FHAD1: variants seen among roughly 807,000 people sequenced by gnomAD.
The protein encoded by FHAD1 is forkhead-associated domain-containing protein 1.
In FHAD1, 146 loss-of-function variants were observed where a neutral mutation model predicts 191.3. The observed-to-expected ratio is 0.76, with a 90% CI of 0.67 to 0.88. The LOEUF (loss-of-function observed/expected upper bound fraction) is 0.88, where lower values mean the gene tolerates loss of function less well. Ranked by LOEUF, FHAD1 falls within the 40% of genes least tolerant of loss-of-function variation. The pLI is 0.00. For missense variants in FHAD1, 1,635 were observed against 1,785.8 expected (o/e 0.92, Z 1.52); for synonymous variants, 616 against 672.3 (o/e 0.92, Z 1.29).
At chr1:15,375,784 G>C (rs974995107) in intron 28 of FHAD1, 54 bp downstream of exon 28, 1 of 1,483,324 alleles carries the variant, frequency 6.7e-7, no homozygotes, top group Non-Finnish European at 9.0e-7. Context: ...GGAGGGGCCT[G>C]AGGGCAGACA....
At position 15,312,313 on chromosome 1, in the gene FHAD1, T is replaced by TGTA. The variant is rs1672517677; in HGVS notation, c.1040-744_1040-743insGTA. On this transcript the variant is annotated intron_variant, in intron 7 of 33. Coordinates refer to ENST00000688493, the MANE Select transcript of FHAD1 (RefSeq NM_001391957.1). This position sits in a 1 kb window ranked among gnomAD's most constrained non-coding sequence, Gnocchi z 4.7. ...AAACACTATGTGTTAGCCACTCTACTATGTTCTTTATACAACTCTGTAGAT... is the reference window on the plus strand; with the variant it reads ...AAACACTATGTGTTAGCCACTCTACTGTAATGTTCTTTATACAACTCTGTAGAT... The TGTA allele has an allele frequency of 6.6e-6, 1 of 152,248 alleles. No individual in the cohort carries two copies. 9.4% of individuals were successfully genotyped at this position (152,248 alleles called of 1,614,324 possible).
chr1:15,292,549 G>A (rs1052134855), intron 4 of FHAD1, among the ~76,000 whole-genome samples: 1 of 152,176 alleles, frequency 6.6e-6, no homozygotes, highest in African/African-American at 2.4e-5. Context: ...TAGCCAGGCT[G>A]GTCTCAACCT....
At chr1:15,251,241 T>A (rs964358618) in intron 1 of FHAD1, among the ~76,000 whole-genome samples, 1 of 149,732 alleles carries the variant, frequency 6.7e-6, no homozygotes, top group African/African-American at 2.5e-5. Flanking sequence ...CTCACTGCCC[T>A]GCAGCCTGGA....
Position 15,376,491 on chromosome 1 carries a change from C to T in FHAD1, c.3705+761C>T, listed in dbSNP as rs75995134. Among the ~76,000 whole-genome samples the T allele has an allele frequency of 7.3e-3, 1,118 of 152,290 alleles. 3 individuals carry two copies. The highest frequency in any genetic ancestry group is 0.011 in the Non-Finnish European group (771 of 68,030). On this transcript the variant is annotated intron_variant, in intron 28 of 33. Transcript: ENST00000688493. ...GCTTTTCGCTGTTACCTGAAAAACA[C>T]AACCACATAAAAGGCAGGAGAAGGG... is the stretch of plus-strand genomic sequence containing the variant.
intron 6 of FHAD1, among the ~76,000 whole-genome samples, chr1:15,305,289 ATG>A (rs1670103160): frequency 2.0e-5 from 3 of 152,220 alleles, no homozygotes; most frequent in African/African-American, 4.8e-5. Context: ...GAATAAAAAA[ATG>A]GGACAGAATT....
intron 23 of FHAD1, chr1:15,363,731 T>C (rs1411325883): frequency 2.2e-6 from 1 of 456,358 alleles, no homozygotes; most frequent in Non-Finnish European, 4.4e-6. Flanking sequence ...CTCCTGACCC[T>C]GAAAGCCAGT....
intron 2 of FHAD1, among the ~76,000 whole-genome samples, chr1:15,252,982 CCTCA>C (rs1646968775): frequency 6.6e-6 from 1 of 152,186 alleles, no homozygotes; most frequent in Non-Finnish European, 1.5e-5. Flanking sequence ...CTCTTTCAGA[CCTCA>C]CTCAATAGAC....
chr1:15,311,505 A>G lies in FHAD1; in HGVS notation c.1040-1552A>G, dbSNP rs1055695709. 1.3e-5 allele frequency among the ~76,000 whole-genome samples: 2 copies of G among 152,212 alleles called. No homozygotes were observed. Among genetic ancestry groups the G allele is most frequent in the Admixed American group, 6.5e-5 (1 of 15,276 alleles). On this transcript the variant is annotated intron_variant, in intron 7 of 33. Coordinates refer to ENST00000688493, the MANE Select transcript of FHAD1 (RefSeq NM_001391957.1). This position sits in a 1 kb window ranked among gnomAD's most constrained non-coding sequence, Gnocchi z 4.1. ...AAAGGTCACTCTGGTCCCGCCTCAC[A>G]AAGCATGCAGGCAAGCCCCAGAGAG...
intron 26 of FHAD1, among the ~76,000 whole-genome samples, chr1:15,373,469 G>T (rs990453801): frequency 1.3e-5 from 2 of 151,484 alleles, no homozygotes; most frequent in Admixed American, 1.3e-4. Flanking sequence ...CCAAGATCAC[G>T]CCACTGCACT....
chr1:15,401,865 G>C (rs1249348557), downstream of FHAD1, among the ~76,000 whole-genome samples: 2 of 152,152 alleles, frequency 1.3e-5, no homozygotes, highest in Non-Finnish European at 2.9e-5. Context: ...GCTTGCATCC[G>C]TCTGCTCAGT....
Position 15,329,691 on chromosome 1 carries a change from C to A in FHAD1, c.1906+150C>A, listed in dbSNP as rs986582668. 6 of 558,030 alleles carry A rather than the reference C, an allele frequency of 1.1e-5. No homozygotes were observed. Among genetic ancestry groups the A allele is most frequent in the South Asian group, 3.5e-5 (1 of 28,502 alleles). The allele number at this position is 558,030 out of a possible 1,614,324, so 34.6% of individuals were successfully genotyped here. ...GAACCCCCTGCTTCTCTGCTTGAGG[C>A]GTAATTTTCCATTAAAAAAAAAAAC... On this transcript the variant is annotated intron_variant, in intron 14 of 33. Coordinates refer to ENST00000688493, the MANE Select transcript of FHAD1 (RefSeq NM_001391957.1). The surrounding 1 kb of genome is among the most constrained non-coding windows in gnomAD (Gnocchi z 5.0).
intron 16 of FHAD1, among the ~76,000 whole-genome samples, chr1:15,344,079 G>A (rs567109617): frequency 6.6e-6 from 1 of 152,164 alleles, no homozygotes; most frequent in Non-Finnish European, 1.5e-5. Context: ...TGCAGAGGGA[G>A]GAAGCAACAT....
At chr1:15,247,783 T>TTAG (rs1471349251) in intron 1 of FHAD1, among the ~76,000 whole-genome samples, 1 of 152,090 alleles carries the variant, frequency 6.6e-6, no homozygotes, top group Non-Finnish European at 1.5e-5. Context: ...CACTGAGGAA[T>TTAG]TTCTAGGGCT....
At chr1:15,293,822 A>C (rs1358996216) in intron 4 of FHAD1, among the ~76,000 whole-genome samples, 1 of 152,218 alleles carries the variant, frequency 6.6e-6, no homozygotes, top group Non-Finnish European at 1.5e-5. Context: ...GTCCATTGGT[A>C]GACACAGATG....
intron 5 of FHAD1, among the ~76,000 whole-genome samples, chr1:15,299,864 G>A (rs1417374146): frequency 1.3e-5 from 2 of 152,248 alleles, no homozygotes; most frequent in Non-Finnish European, 2.9e-5. Context: ...GTTTGAGGCT[G>A]TCCTTTGAAA....
At chr1:15,366,680 A>G (rs1023708294) in intron 24 of FHAD1, among the ~76,000 whole-genome samples, 3 of 152,192 alleles carry the variant, frequency 2.0e-5, no homozygotes, top group African/African-American at 7.2e-5. Context: ...AAGTAGAGAC[A>G]ACACACCTTC....
At chr1:15,251,907 C>T (rs1334885618) in intron 2 of FHAD1, 30 bp downstream of exon 2, 4 of 1,518,146 alleles carry the variant, frequency 2.6e-6, no homozygotes, top group African/African-American at 1.4e-5. Flanking sequence ...GTTCCCGTCC[C>T]CTCCCTGACC....
intron 16 of FHAD1, among the ~76,000 whole-genome samples, chr1:15,344,800 C>T (rs1443137070): frequency 6.6e-6 from 1 of 152,174 alleles, no homozygotes; most frequent in Non-Finnish European, 1.5e-5. Flanking sequence ...TCACATCAAC[C>T]CAACACAGGA....
intron 33 of FHAD1, among the ~76,000 whole-genome samples, chr1:15,393,371 ATTCT>A (rs1313738636): frequency 3.4e-5 from 5 of 146,486 alleles, no homozygotes; most frequent in South Asian, 4.3e-4. Flanking sequence ...CCAAAAATTC[ATTCT>A]TTCTATGTAT....
Sources: gnomAD v4.1 joint callset for allele counts (sites outside exome capture counted in the v4.1 genomes callset) on GRCh38, gnomAD v4.1.1 for gene constraint, Gnocchi (gnomAD v3.1) non-coding constraint, MANE v1.5 for transcripts, NCBI Gene and HGNC (gene_info 2026-07-23, HGNC 2026-07-21) for gene names.